BMPR2: variants seen among roughly 807,000 people sequenced by gnomAD.
The protein encoded by BMPR2 is bone morphogenetic protein receptor type-2.
BMPR2 carries 29 observed loss-of-function variants against 100.8 expected under a neutral mutation model. The observed-to-expected ratio is 0.29, with a 90% confidence interval of 0.21 to 0.39. The LOEUF is 0.39. BMPR2 is among the 10% of genes least tolerant of loss of function. BMPR2 has a pLI of 1.00. For missense variants in BMPR2, 1,011 were observed against 1,274.5 expected (o/e 0.79, Z 3.15); for synonymous variants, 382 against 442.3 (o/e 0.86, Z 1.71).
At position 202,495,525 on chromosome 2, in the gene BMPR2, C is replaced by T. The variant is rs6751385; in HGVS notation, c.419-18194C>T. On this transcript the variant is annotated intron_variant, in intron 3 of 12. Transcript: ENST00000374580. The surrounding 1 kb of genome is among the most constrained non-coding windows in gnomAD (Gnocchi z 4.5). ...CCTGTGTGTCTGCCTGCTAGGGTCT[C>T]GGGTTTTTATAGGCCCAGGATGGGG... Among the ~76,000 whole-genome samples, 261 of 152,200 alleles carry T rather than the reference C, an allele frequency of 1.7e-3. 3 individuals are homozygous for T. The highest frequency in any genetic ancestry group is 5.9e-3 in the African/African-American group (245 of 41,528).
chr2:202,545,560 G>C (rs1688360956), intron 10 of BMPR2, among the ~76,000 whole-genome samples: 1 of 152,104 alleles, frequency 6.6e-6, no homozygotes, highest in South Asian at 2.1e-4. Context: ...GATTGTCTTG[G>C]TAGGACTAAA....
At chr2:202,467,877 C>T (rs942377701) in intron 3 of BMPR2, among the ~76,000 whole-genome samples, 188 bp downstream of exon 3, 4 of 151,706 alleles carry the variant, frequency 2.6e-5, no homozygotes, top group African/African-American at 4.8e-5. Flanking sequence ...GGTGAAATCC[C>T]GTCTCTGCCA....
chr2:202,474,188 G>T (rs1178157146), intron 3 of BMPR2, among the ~76,000 whole-genome samples: 5 of 151,848 alleles, frequency 3.3e-5, no homozygotes, highest in East Asian at 2.0e-4. Flanking sequence ...GGGCACGGTG[G>T]CTCACATCTA....
chr2:202,378,872 A>AGTTT (rs1690212905), intron 1 of BMPR2, among the ~76,000 whole-genome samples: 1 of 152,148 alleles, frequency 6.6e-6, no homozygotes, highest in African/African-American at 2.4e-5. Context: ...AAGGCCTTAA[A>AGTTT]CGTTCCATGA....
At chr2:202,405,808 A>G (rs1290933761) in intron 1 of BMPR2, among the ~76,000 whole-genome samples, 1 of 151,872 alleles carries the variant, frequency 6.6e-6, no homozygotes, top group Non-Finnish European at 1.5e-5. Context: ...AAAATTTATC[A>G]TCTAATGTCA....
rs567553329 is a variant in BMPR2, at chr2:202,534,223, A to G, written c.1276+1491A>G. Among the ~76,000 whole-genome samples, 341 of 147,948 alleles carry G rather than the reference A, an allele frequency of 2.3e-3. 1 individual carries two copies. Among genetic ancestry groups the G allele is most frequent in the African/African-American group, 7.6e-3 (310 of 40,634 alleles). On this transcript the variant is annotated intron_variant, in intron 9 of 12. Coordinates refer to ENST00000374580, the MANE Select transcript of BMPR2 (RefSeq NM_001204.7). Reference sequence around the variant, plus strand: ...ATATATATGTATCGTGTGTGTGTGTATATATATATATAAATAAAATTTTTA... The same window carrying G: ...ATATATATGTATCGTGTGTGTGTGTGTATATATATATAAATAAAATTTTTA...
chr2:202,426,307 A>T (rs1201895641), intron 1 of BMPR2, among the ~76,000 whole-genome samples: 2 of 152,174 alleles, frequency 1.3e-5, no homozygotes, highest in African/African-American at 4.8e-5. Flanking sequence ...ATGGCCGGGT[A>T]CGGTGGCTCA....
intron 1 of BMPR2, among the ~76,000 whole-genome samples, chr2:202,454,969 G>C (rs1692063833): frequency 6.6e-6 from 1 of 152,262 alleles, no homozygotes; most frequent in East Asian, 1.9e-4. Flanking sequence ...CCTTCTCTCT[G>C]TGTCCTCACA....
chr2:202,537,581 A>G (rs1369037455), intron 9 of BMPR2, among the ~76,000 whole-genome samples: 1 of 152,198 alleles, frequency 6.6e-6, no homozygotes, highest in Non-Finnish European at 1.5e-5. Context: ...AAACAGTTCT[A>G]GAAATGGTTA....
intron 12 of BMPR2, among the ~76,000 whole-genome samples, chr2:202,557,464 AACACACACAC>A (rs138065331): frequency 0.12 from 14,733 of 125,370 alleles, 883 homozygotes; most frequent in Non-Finnish European, 0.14. Flanking sequence ...CTCTGTCTCA[AACACACACAC>A]ACACACACAC....
At chr2:202,383,677 A>G (rs1690349711) in intron 1 of BMPR2, among the ~76,000 whole-genome samples, 1 of 151,164 alleles carries the variant, frequency 6.6e-6, no homozygotes, top group Admixed American at 6.6e-5. Context: ...TCTGTCAAAA[A>G]AAAAAAAAAA....
intron 12 of BMPR2, among the ~76,000 whole-genome samples, chr2:202,557,357 G>T (rs368250366): frequency 6.6e-6 from 1 of 151,988 alleles, no homozygotes; most frequent in Non-Finnish European, 1.5e-5. Context: ...CCAGCTACTC[G>T]GAAGGCTGAG....
At chr2:202,391,099 C>T (rs972518116) in intron 1 of BMPR2, among the ~76,000 whole-genome samples, 3 of 147,584 alleles carry the variant, frequency 2.0e-5, no homozygotes, top group Non-Finnish European at 3.0e-5. Context: ...GCCTCAGGCT[C>T]CCGAGCAGCT....
chr2:202,448,881 T>C (rs1323850213), intron 1 of BMPR2, among the ~76,000 whole-genome samples: 2 of 151,998 alleles, frequency 1.3e-5, no homozygotes, highest in African/African-American at 4.8e-5. Flanking sequence ...ATATATCTTA[T>C]TGCTGTTTGG....
At chr2:202,412,387 C>T (rs994456066) in intron 1 of BMPR2, among the ~76,000 whole-genome samples, 3 of 152,148 alleles carry the variant, frequency 2.0e-5, no homozygotes, top group East Asian at 1.9e-4. Flanking sequence ...GGCGCAATCT[C>T]GGCTCACTGC....
intron 1 of BMPR2, among the ~76,000 whole-genome samples, chr2:202,413,567 C>G (rs1183648671): frequency 6.6e-6 from 1 of 152,052 alleles, no homozygotes; most frequent in Non-Finnish European, 1.5e-5. Flanking sequence ...TTTGCAATAA[C>G]TATATAGAAC....
intron 12 of BMPR2, among the ~76,000 whole-genome samples, chr2:202,558,892 CA>C (rs538329842): frequency 0.011 from 893 of 81,446 alleles, 8 homozygotes; most frequent in African/African-American, 0.034. Flanking sequence ...AACTCCATCT[CA>C]AAAAAAAAAA....
At chr2:202,451,197 C>T (rs1691971810) in intron 1 of BMPR2, among the ~76,000 whole-genome samples, 1 of 152,124 alleles carries the variant, frequency 6.6e-6, no homozygotes, top group South Asian at 2.1e-4. Flanking sequence ...ATCAGTTAAA[C>T]TTATGGGAAA....
At position 202,380,909 on chromosome 2, in the gene BMPR2, GTGCCT is replaced by G. The variant is rs1479274804; in HGVS notation, c.76+3360_76+3364del. Among the ~76,000 whole-genome samples the G allele has an allele frequency of 3.7e-3, 522 of 139,540 alleles. 3 individuals carry two copies. Among genetic ancestry groups the G allele is most frequent in the Middle Eastern group, 7.5e-3 (2 of 268 alleles). 91.5% of individuals were successfully genotyped at this position (139,540 alleles called of 152,430 possible). Reference sequence around the variant, plus strand: ...GCTGGGATTATAGGTGTGGGCCACTGTGCCTGGCCCTGGCCCTGGCCCTGGCCCTG... The same window carrying G: ...GCTGGGATTATAGGTGTGGGCCACTGGGCCCTGGCCCTGGCCCTGGCCCTG... On this transcript the variant is annotated intron_variant, in intron 1 of 12. Coordinates refer to ENST00000374580, the MANE Select transcript of BMPR2 (RefSeq NM_001204.7).
Sources: allele counts gnomAD v4.1 joint callset (sites outside exome capture counted in the v4.1 genomes callset), GRCh38; gene constraint gnomAD v4.1.1; non-coding constraint Gnocchi (gnomAD v3.1); transcripts MANE v1.5; gene names NCBI Gene and HGNC (gene_info 2026-07-23, HGNC 2026-07-21).